The following BCKDHB variants were observed in gnomAD, a reference collection of about 807,000 sequenced individuals.
The protein encoded by BCKDHB is 2-oxoisovalerate dehydrogenase subunit beta, mitochondrial.
BCKDHB carries 41 observed loss-of-function variants against 48.5 expected under a neutral mutation model. The ratio of observed to expected loss-of-function variants is 0.85; its 90% CI spans 0.66 to 1.10. BCKDHB has a LOEUF of 1.10. Ranked by LOEUF, BCKDHB falls within the 50% of genes least tolerant of loss-of-function variation. The probability of loss-of-function intolerance (pLI) is 0.00; values close to 1 mark genes in which losing one functional copy is unlikely to be tolerated. For missense variants in BCKDHB, 496 were observed against 494.2 expected (o/e 1.00, Z -0.03); for synonymous variants, 201 against 174.8 (o/e 1.15, Z -1.18).
chr6:80,288,092 CT>C (rs35051759), intron 9 of BCKDHB, among the ~76,000 whole-genome samples: 11,417 of 150,000 alleles, frequency 0.076, 608 homozygotes, highest in South Asian at 0.24. Context: ...AACTTAAAAG[CT>C]TTTTTTTTCC....
At chr6:80,439,387 G>A in the BCKDHB span, among the ~76,000 whole-genome samples, 1 of 152,068 alleles carries the variant, frequency 6.6e-6, no homozygotes, top group Non-Finnish European at 1.5e-5. Context: ...ATATTCAAAA[G>A]GCAATGTTTA....
At chr6:80,358,345 C>T in the BCKDHB span, among the ~76,000 whole-genome samples, 2 of 152,116 alleles carry the variant, frequency 1.3e-5, no homozygotes, top group Non-Finnish European at 2.9e-5. Context: ...ATCTTTCAGG[C>T]TATGAGTTGT....
At chr6:80,140,264 C>T (rs985800249) in intron 3 of BCKDHB, among the ~76,000 whole-genome samples, 1 of 152,214 alleles carries the variant, frequency 6.6e-6, no homozygotes, top group Non-Finnish European at 1.5e-5. Context: ...GACAATTTGA[C>T]TTCCTCTTTT....
intron 1 of BCKDHB, among the ~76,000 whole-genome samples, chr6:80,117,594 G>A (rs1769773637): frequency 6.6e-6 from 1 of 152,182 alleles, no homozygotes; most frequent in Non-Finnish European, 1.5e-5. Context: ...GGGTTTACGG[G>A]GATGAGGGCA....
chr6:80,154,685 A>C (rs138712325), intron 3 of BCKDHB, among the ~76,000 whole-genome samples: 78 of 152,292 alleles, frequency 5.1e-4, no homozygotes, highest in Middle Eastern at 3.4e-3. Context: ...ATAATGTATT[A>C]AAAAGTAAAA....
the BCKDHB span, among the ~76,000 whole-genome samples, chr6:80,412,658 C>T: frequency 6.6e-6 from 1 of 152,036 alleles, no homozygotes; most frequent in African/African-American, 2.4e-5. Context: ...AATTAATGTT[C>T]TTTAGCTTTA....
chr6:80,398,673 G>A, the BCKDHB span, among the ~76,000 whole-genome samples: 11 of 150,062 alleles, frequency 7.3e-5, no homozygotes, highest in Admixed American at 3.3e-4. Context: ...CAAAGAGCTG[G>A]TACTATTCCT....
chr6:80,367,422 T>C, the BCKDHB span, among the ~76,000 whole-genome samples: 1 of 152,214 alleles, frequency 6.6e-6, no homozygotes, highest in South Asian at 2.1e-4. Context: ...TATATATGTA[T>C]TTCATTCTTA....
intron 3 of BCKDHB, among the ~76,000 whole-genome samples, chr6:80,138,425 C>A (rs925532892): frequency 1.3e-5 from 2 of 151,916 alleles, no homozygotes; most frequent in Admixed American, 1.3e-4. Context: ...GTATATCTCC[C>A]AATGCTATTC....
intron 8 of BCKDHB, among the ~76,000 whole-genome samples, chr6:80,212,734 C>G (rs926927626): frequency 6.6e-6 from 1 of 152,166 alleles, no homozygotes; most frequent in East Asian, 1.9e-4. Flanking sequence ...AATTTATGTT[C>G]CTGTGCCACA....
intron 9 of BCKDHB, among the ~76,000 whole-genome samples, chr6:80,282,578 T>G (rs1766390859): frequency 6.6e-6 from 1 of 152,130 alleles, no homozygotes; most frequent in Non-Finnish European, 1.5e-5. Flanking sequence ...TCAAAATCAT[T>G]AAAAGAGTAG....
chr6:80,288,009 G>GAATA (rs1766710692), intron 9 of BCKDHB, among the ~76,000 whole-genome samples: 1 of 152,074 alleles, frequency 6.6e-6, no homozygotes, highest in Non-Finnish European at 1.5e-5. Context: ...GAGAATCATT[G>GAATA]AATGACTTAC....
At chr6:80,231,497 C>G (rs1376420436) in intron 8 of BCKDHB, among the ~76,000 whole-genome samples, 4 of 151,820 alleles carry the variant, frequency 2.6e-5, no homozygotes, top group South Asian at 4.1e-4. Context: ...TAGAAATGAC[C>G]TAGTAAAAAC....
chr6:80,418,876 G>A, the BCKDHB span, among the ~76,000 whole-genome samples: 7 of 152,248 alleles, frequency 4.6e-5, no homozygotes, highest in Admixed American at 1.3e-4. Context: ...TACAGCTTGG[G>A]GGCCACTTCT....
intron 9 of BCKDHB, among the ~76,000 whole-genome samples, chr6:80,274,185 G>A (rs1314406093): frequency 6.6e-6 from 1 of 151,862 alleles, no homozygotes; most frequent in African/African-American, 2.4e-5. Context: ...TATCTTAAGT[G>A]CTAATTGCAA....
At chr6:80,292,044 C>G (rs1766948627) in intron 9 of BCKDHB, among the ~76,000 whole-genome samples, 1 of 152,126 alleles carries the variant, frequency 6.6e-6, no homozygotes, top group Non-Finnish European at 1.5e-5. Flanking sequence ...AAATTCCCCT[C>G]CTTTTATGGT....
chr6:80,343,603 C>G, intron 9 of BCKDHB, 61 bp from the exon 10 acceptor site: 2 of 1,546,886 alleles, frequency 1.3e-6, no homozygotes, highest in African/African-American at 1.4e-5. Context: ...TTAAGTTGCA[C>G]TATTTCATTT....
chr6:80,291,853 A>G (rs1267049611), intron 9 of BCKDHB, among the ~76,000 whole-genome samples: 1 of 152,186 alleles, frequency 6.6e-6, no homozygotes, highest in East Asian at 1.9e-4. Flanking sequence ...TGGTAAGACC[A>G]AGTTGTTTTA....
intron 7 of BCKDHB, among the ~76,000 whole-genome samples, chr6:80,201,503 C>T (rs1238899461): frequency 6.6e-6 from 1 of 152,114 alleles, no homozygotes; most frequent in Non-Finnish European, 1.5e-5. Context: ...AAATATATTA[C>T]AACAATGTAT....
Sources: allele counts gnomAD v4.1 joint callset (sites outside exome capture counted in the v4.1 genomes callset), GRCh38; gene constraint gnomAD v4.1.1; transcripts MANE v1.5; gene names NCBI Gene and HGNC (gene_info 2026-07-23, HGNC 2026-07-21).